Variants in PEAK1 observed in about 807,000 individuals in gnomAD.
PEAK1 encodes the protein inactive tyrosine-protein kinase PEAK1.
A neutral mutation model predicts 124.7 loss-of-function variants in PEAK1; 54 were observed. That is an observed-to-expected ratio of 0.43 (90% CI 0.35 to 0.54). The LOEUF (loss-of-function observed/expected upper bound fraction) is 0.54, where lower values mean the gene tolerates loss of function less well. Ranked by LOEUF, PEAK1 falls within the 20% of genes least tolerant of loss-of-function variation. The probability of loss-of-function intolerance (pLI) is 0.01; values close to 1 mark genes in which losing one functional copy is unlikely to be tolerated. For synonymous variants in PEAK1, 719 were observed against 760.0 expected (o/e 0.95, Z 0.89); for missense variants, 2,046 against 2,134.5 (o/e 0.96, Z 0.82).
intron 1 of PEAK1, among the ~76,000 whole-genome samples, chr15:77,388,632 TAG>T (rs2070167723): frequency 6.6e-6 from 1 of 152,196 alleles, no homozygotes; most frequent in Non-Finnish European, 1.5e-5. Flanking sequence ...TATCTACATA[TAG>T]CTATCACTTA....
At chr15:77,160,703 G>GA (rs200819592) in intron 7 of PEAK1, among the ~76,000 whole-genome samples, 314 of 150,930 alleles carry the variant, frequency 2.1e-3, no homozygotes, top group Non-Finnish European at 3.3e-3. Flanking sequence ...ACACTTGAAA[G>GA]AAAAAAAAAT....
intron 2 of PEAK1, chr15:77,348,177 A>G (rs988624661): frequency 2.0e-5 from 19 of 971,866 alleles, no homozygotes; most frequent in Non-Finnish European, 2.1e-5. Context: ...CTTAAGCCAC[A>G]TGCTAAGAAA....
chr15:77,398,878 CA>C (rs1567352469), intron 1 of PEAK1, among the ~76,000 whole-genome samples: 2 of 151,672 alleles, frequency 1.3e-5, no homozygotes, highest in Admixed American at 6.6e-5. Context: ...AAGATTCCAC[CA>C]AAAAACTATT....
At chr15:77,333,231 T>G (rs543413638) in intron 2 of PEAK1, 1 of 913,746 alleles carries the variant, frequency 1.1e-6, no homozygotes, top group African/African-American at 1.8e-5. Flanking sequence ...GCCATCCTCC[T>G]TTCTCAGCCT....
At chr15:77,355,260 A>C (rs2067449369) in intron 2 of PEAK1, among the ~76,000 whole-genome samples, 1 of 152,174 alleles carries the variant, frequency 6.6e-6, no homozygotes, top group African/African-American at 2.4e-5. Flanking sequence ...AAACAATGGA[A>C]TAAATACAAT....
intron 1 of PEAK1, among the ~76,000 whole-genome samples, chr15:77,377,573 G>A (rs753523309): frequency 9.3e-5 from 14 of 151,134 alleles, no homozygotes; most frequent in East Asian, 1.9e-4. Context: ...AGGTTCAAGC[G>A]ATTCTCCTGC....
intron 4 of PEAK1, among the ~76,000 whole-genome samples, chr15:77,284,347 TCTA>T (rs1163127637): frequency 6.6e-6 from 1 of 152,196 alleles, no homozygotes; most frequent in Non-Finnish European, 1.5e-5. Flanking sequence ...ATTTTAAAAA[TCTA>T]CTGATAGGAT....
At chr15:77,397,847 G>A (rs1428140617) in intron 1 of PEAK1, among the ~76,000 whole-genome samples, 1 of 151,972 alleles carries the variant, frequency 6.6e-6, no homozygotes, top group Non-Finnish European at 1.5e-5. Context: ...ATCACCTGAG[G>A]TCGGGAGTTT....
chr15:77,234,666 AT>A lies in PEAK1; in HGVS notation c.-115+17700del, dbSNP rs910363868. ...TGGAGAGATACTGAGATTACAGAAA[AT>A]TTTTTTTTTAATTTAAAAAAAATTT... is the stretch of plus-strand genomic sequence containing the variant. On this transcript the variant is annotated intron_variant, in intron 6 of 9. Transcript: ENST00000682557. Among the ~76,000 whole-genome samples the A allele has an allele frequency of 8.9e-3, 1,347 of 150,678 alleles. 23 individuals carry two copies. The highest frequency in any genetic ancestry group is 0.031 in the African/African-American group (1,261 of 41,124).
chr15:77,382,152 T>A (rs998766460), intron 1 of PEAK1, among the ~76,000 whole-genome samples: 16 of 152,258 alleles, frequency 1.1e-4, no homozygotes, highest in African/African-American at 3.9e-4. Context: ...TCTTTAACTT[T>A]AGTGGGGCAA....
chr15:77,410,539 T>A (rs2072324184), intron 1 of PEAK1, among the ~76,000 whole-genome samples: 1 of 152,254 alleles, frequency 6.6e-6, no homozygotes, highest in African/African-American at 2.4e-5. Context: ...TGAAAATTTT[T>A]AATATCTTCA....
At chr15:77,330,588 T>C (rs1334217963) in intron 2 of PEAK1, among the ~76,000 whole-genome samples, 1 of 152,190 alleles carries the variant, frequency 6.6e-6, no homozygotes, top group Non-Finnish European at 1.5e-5. Context: ...CTGGTTAAGC[T>C]GACCTCCTTA....
chr15:77,265,866 A>T (rs1340117837), intron 5 of PEAK1, among the ~76,000 whole-genome samples: 1 of 152,144 alleles, frequency 6.6e-6, no homozygotes, highest in East Asian at 1.9e-4. Context: ...CAAATGTCCA[A>T]CAATGATAGA....
chr15:77,116,426 T>C (rs1227289831), intron 9 of PEAK1, among the ~76,000 whole-genome samples: 1 of 152,112 alleles, frequency 6.6e-6, no homozygotes, highest in Non-Finnish European at 1.5e-5. Context: ...ATTACAATAA[T>C]ACAGAAAAGC....
intron 1 of PEAK1, chr15:77,417,329 C>T: frequency 1.0e-6 from 1 of 980,946 alleles, no homozygotes; most frequent in Non-Finnish European, 1.2e-6. Context: ...ACTATCTATT[C>T]CTGGCCTGAA....
intron 6 of PEAK1, among the ~76,000 whole-genome samples, chr15:77,228,535 A>G (rs1222541258): frequency 2.0e-5 from 3 of 152,158 alleles, no homozygotes; most frequent in Non-Finnish European, 4.4e-5. Context: ...TAAGGTGTAA[A>G]GAGAGAGAAC....
At chr15:77,254,436 T>TG (rs1231364688) in intron 5 of PEAK1, among the ~76,000 whole-genome samples, 2 of 152,086 alleles carry the variant, frequency 1.3e-5, no homozygotes, top group Non-Finnish European at 1.5e-5. Flanking sequence ...TTTATTATTT[T>TG]GTTTGTTTGT....
intron 2 of PEAK1, among the ~76,000 whole-genome samples, chr15:77,310,691 C>T (rs1417371741): frequency 6.6e-6 from 1 of 152,180 alleles, no homozygotes; most frequent in Non-Finnish European, 1.5e-5. Flanking sequence ...TGTCAGCTTG[C>T]TCTACTATAT....
At position 77,180,114 on chromosome 15, in the gene PEAK1, G is replaced by A. The variant is rs1019902085; in HGVS notation, c.1813C>T (p.Pro605Ser). Residue 605 changes from proline (P) to serine (S), a missense_variant, in exon 7 of 10, where the codon CCT (proline) becomes TCT (serine). Transcript: ENST00000682557. ...FNSYNNAGMP[P>S]FPIIIHDEPT... ...TCGTCATGAATGATAATTGGAAAAG[G>A]TGGCATACCAGCATTGTTATAACTA... The A allele has an allele frequency of 5.6e-6, 9 of 1,614,012 alleles. No homozygotes were observed. The highest frequency in any genetic ancestry group is 7.6e-6 in the Non-Finnish European group (9 of 1,180,004).
Sources: allele counts gnomAD v4.1 joint callset (sites outside exome capture counted in the v4.1 genomes callset), GRCh38; gene constraint gnomAD v4.1.1; transcripts MANE v1.5; gene names NCBI Gene and HGNC (gene_info 2026-07-23, HGNC 2026-07-21).